Variants in CSMD1 observed in about 807,000 individuals in gnomAD.
The protein encoded by CSMD1 is CUB and sushi domain-containing protein 1.
In CSMD1, 213 loss-of-function variants were observed where a neutral mutation model predicts 417.5. The ratio of observed to expected loss-of-function variants is 0.51; its 90% CI spans 0.46 to 0.57. CSMD1 has a LOEUF of 0.57. CSMD1 is among the 20% of genes least tolerant of loss of function. CSMD1 has a pLI of 0.00. For synonymous variants in CSMD1, 2,862 were observed against 1,736.8 expected (o/e 1.65, Z -16.11); for missense variants, 6,923 against 4,529.7 (o/e 1.53, Z -15.17).
At chr8:4,840,957 A>C (rs1328434464) in intron 1 of CSMD1, among the ~76,000 whole-genome samples, 1 of 152,218 alleles carries the variant, frequency 6.6e-6, no homozygotes, top group Admixed American at 6.5e-5. Context: ...TTTAAAAAAC[A>C]AGTGCACTGG....
At chr8:4,657,189 G>A (rs918409806) in intron 1 of CSMD1, among the ~76,000 whole-genome samples, 2 of 152,084 alleles carry the variant, frequency 1.3e-5, no homozygotes, top group Admixed American at 6.6e-5. Flanking sequence ...TACACTCTCA[G>A]AAAAGACCTC....
intron 2 of CSMD1, among the ~76,000 whole-genome samples, chr8:4,466,713 A>T (rs1800191949): frequency 6.6e-6 from 1 of 152,200 alleles, no homozygotes; most frequent in Non-Finnish European, 1.5e-5. Flanking sequence ...AAAAATTTTA[A>T]AATGGTGTAC....
At chr8:4,077,216 C>G (rs922167979) in intron 3 of CSMD1, among the ~76,000 whole-genome samples, 5 of 149,650 alleles carry the variant, frequency 3.3e-5, no homozygotes, top group African/African-American at 1.2e-4. Context: ...GATGAGAGCT[C>G]TGTGAATTTC....
chr8:4,731,800 G>C (rs1253984508), intron 1 of CSMD1, among the ~76,000 whole-genome samples: 2 of 152,160 alleles, frequency 1.3e-5, no homozygotes, highest in Non-Finnish European at 2.9e-5. Flanking sequence ...TTTATTTAGG[G>C]TTGGGCGAAC....
At chr8:3,852,829 G>T (rs1340575342) in intron 5 of CSMD1, among the ~76,000 whole-genome samples, 1 of 152,112 alleles carries the variant, frequency 6.6e-6, no homozygotes, top group East Asian at 1.9e-4. Flanking sequence ...TCCGCTTTCT[G>T]TAACCCACCA....
At chr8:3,429,072 C>G (rs1814041284) in intron 12 of CSMD1, among the ~76,000 whole-genome samples, 1 of 152,044 alleles carries the variant, frequency 6.6e-6, no homozygotes, top group African/African-American at 2.4e-5. Context: ...GATGAGTTAA[C>G]AGGTGCAGGG....
intron 5 of CSMD1, among the ~76,000 whole-genome samples, chr8:3,775,110 A>G (rs924129571): frequency 6.6e-6 from 1 of 152,168 alleles, no homozygotes; most frequent in East Asian, 1.9e-4. Flanking sequence ...ATGTTTTTAG[A>G]CTGCTGTTGA....
intron 1 of CSMD1, among the ~76,000 whole-genome samples, chr8:4,743,839 T>C (rs1287223931): frequency 6.6e-6 from 1 of 152,222 alleles, no homozygotes; most frequent in Non-Finnish European, 1.5e-5. Flanking sequence ...AGCAAGCTTC[T>C]TGCGGTCCAC....
intron 22 of CSMD1, among the ~76,000 whole-genome samples, chr8:3,343,780 T>C (rs1361403522): frequency 2.0e-5 from 3 of 152,196 alleles, no homozygotes; most frequent in African/African-American, 7.2e-5. Context: ...TTTATTCCTT[T>C]TCTCATAGTT....
chr8:3,928,056 T>A (rs1809872973), intron 5 of CSMD1, among the ~76,000 whole-genome samples: 1 of 152,146 alleles, frequency 6.6e-6, no homozygotes, highest in Admixed American at 6.5e-5. Context: ...TTTTCTTAAA[T>A]TTCCCCACTT....
intron 5 of CSMD1, among the ~76,000 whole-genome samples, chr8:3,936,139 A>G (rs1202336316): frequency 6.6e-6 from 1 of 151,946 alleles, no homozygotes; most frequent in Non-Finnish European, 1.5e-5. Context: ...AGGAAGCTGC[A>G]GAAGATAAAT....
At chr8:4,542,862 A>G (rs978957023) in intron 2 of CSMD1, among the ~76,000 whole-genome samples, 1 of 152,168 alleles carries the variant, frequency 6.6e-6, no homozygotes, top group African/African-American at 2.4e-5. Context: ...TTTTCACAGT[A>G]TATTTCTATC....
At position 4,414,665 on chromosome 8, in the gene CSMD1, T is replaced by C. The variant is rs886799683; in HGVS notation, c.415+5288A>G. On this transcript the variant is annotated intron_variant, in intron 3 of 69. Transcript: ENST00000635120. ...AGAAAATCAAATTCAAATTTTTCAA[T>C]ACCAATACTTACTGGCAGTTTTTCT... Among the ~76,000 whole-genome samples, 5 of 152,322 alleles carry C rather than the reference T, an allele frequency of 3.3e-5. No homozygotes were observed. In the South Asian group the frequency reaches 8.3e-4, roughly 25 times the overall value.
chr8:4,000,097 C>T (rs1352985817), intron 4 of CSMD1, among the ~76,000 whole-genome samples: 1 of 152,246 alleles, frequency 6.6e-6, no homozygotes, highest in Non-Finnish European at 1.5e-5. Flanking sequence ...AAATGTCTGT[C>T]CTGCCCCCCG....
At chr8:3,957,477 G>A (rs2259012) in intron 5 of CSMD1, among the ~76,000 whole-genome samples, 114,718 of 151,986 alleles carry the variant, frequency 0.75, 43,623 homozygotes, top group East Asian at 0.95. Context: ...TAGGAGTATT[G>A]GACCATGTGG....
chr8:4,039,544 T>A (rs547270688), intron 3 of CSMD1, among the ~76,000 whole-genome samples: 2 of 152,270 alleles, frequency 1.3e-5, no homozygotes, highest in South Asian at 2.1e-4. Context: ...ACAAAAGCAA[T>A]GAGGACCTCC....
At chr8:4,166,698 G>A (rs554781383) in intron 3 of CSMD1, among the ~76,000 whole-genome samples, 20 of 152,152 alleles carry the variant, frequency 1.3e-4, no homozygotes, top group Admixed American at 5.2e-4. Flanking sequence ...AAGAAAATCA[G>A]CTCTAAAGAA....
intron 3 of CSMD1, among the ~76,000 whole-genome samples, chr8:4,265,253 T>A (rs1585124137): frequency 6.6e-6 from 1 of 152,090 alleles, no homozygotes; most frequent in Admixed American, 6.6e-5. Flanking sequence ...TTATGCTATA[T>A]TTTATGGAAT....
At chr8:4,816,151 T>A (rs904234173) in intron 1 of CSMD1, among the ~76,000 whole-genome samples, 4 of 152,042 alleles carry the variant, frequency 2.6e-5, no homozygotes, top group African/African-American at 9.7e-5. Flanking sequence ...AGGCTTTGCA[T>A]GCTTTGGCTC....
Sources: allele counts gnomAD v4.1 joint callset (sites outside exome capture counted in the v4.1 genomes callset), GRCh38; gene constraint gnomAD v4.1.1; transcripts MANE v1.5; gene names NCBI Gene and HGNC (gene_info 2026-07-23, HGNC 2026-07-21).